PDGFA: variants seen among roughly 807,000 people sequenced by gnomAD.
The protein encoded by PDGFA is platelet derived growth factor subunit A, also known as platelet-derived growth factor subunit A.
In PDGFA, 9 loss-of-function variants were observed where a neutral mutation model predicts 25.6. The ratio of observed to expected loss-of-function variants is 0.35; its 90% CI spans 0.21 to 0.61. The LOEUF is 0.61. PDGFA is among the 20% of genes least tolerant of loss of function. The pLI is 0.75. For missense variants in PDGFA, 242 were observed against 272.8 expected (o/e 0.89, Z 0.79); for synonymous variants, 133 against 111.8 (o/e 1.19, Z -1.20).
Position 500,707 on chromosome 7 carries a change from G to C in PDGFA, c.580+409C>G. ...CATTCTGCTCCTGGGTGGAGTCCGC[G>C]TGGCGGGGTGAAGGAGAGACCCCAG... is the stretch of plus-strand genomic sequence containing the variant. On this transcript the variant is annotated intron_variant, in intron 5 of 5. Transcript: ENST00000402802. The surrounding 1 kb of genome is among the most constrained non-coding windows in gnomAD (Gnocchi z 5.0). 6.9e-7 allele frequency: 1 copy of C among 1,441,264 alleles called. No individual in the cohort carries two copies. Among genetic ancestry groups the C allele is most frequent in the South Asian group, 1.5e-5 (1 of 68,224 alleles). The allele number at this position is 1,441,264 out of a possible 1,614,324, so 89.3% of individuals were successfully genotyped here.
chr7:498,526 T>C (rs757341527), exon 6 of PDGFA: 80 of 1,598,110 alleles, frequency 5.0e-5, no homozygotes, highest in Non-Finnish European at 6.5e-5. Flanking sequence ...TAACACGCCA[T>C]GTACATCCAT....
intron 4 of PDGFA, among the ~76,000 whole-genome samples, chr7:507,831 C>T (rs1181813304): frequency 6.6e-6 from 1 of 152,142 alleles, no homozygotes; most frequent in East Asian, 1.9e-4. Flanking sequence ...GCCAGGGGGA[C>T]CCAGCCACAC....
intron 3 of PDGFA, among the ~76,000 whole-genome samples, chr7:511,795 G>A (rs1031376409): frequency 9.2e-5 from 14 of 152,140 alleles, no homozygotes; most frequent in Non-Finnish European, 2.1e-4. Context: ...GGAGGGCCAT[G>A]GGGCTGTCCT....
intron 5 of PDGFA, 90 bp downstream of exon 5, chr7:501,026 G>C: frequency 6.2e-7 from 1 of 1,610,654 alleles, no homozygotes. Flanking sequence ...AGCAGTAAGC[G>C]TTGCGCTCAA....
At chr7:503,969 C>T (rs898185303) in intron 4 of PDGFA, among the ~76,000 whole-genome samples, 1 of 152,152 alleles carries the variant, frequency 6.6e-6, no homozygotes, top group African/African-American at 2.4e-5. Context: ...CACACTCCCG[C>T]GGCAATCTGC....
chr7:510,692 C>G, intron 4 of PDGFA, 117 bp downstream of exon 4: 2 of 473,416 alleles, frequency 4.2e-6, no homozygotes, highest in East Asian at 7.8e-5. Flanking sequence ...GTAGGGGCGG[C>G]CCCGGGCTTG....
chr7:518,146 C>A (rs1367950474), intron 1 of PDGFA, among the ~76,000 whole-genome samples: 1 of 152,182 alleles, frequency 6.6e-6, no homozygotes, highest in African/African-American at 2.4e-5. Flanking sequence ...CCAGGGAAAG[C>A]GAGGGTTAAA....
rs1172069467 is a variant in PDGFA, at chr7:517,108, G to C, written c.160+286C>G. Among the ~76,000 whole-genome samples, 1 of 151,512 alleles carries C rather than the reference G, an allele frequency of 6.6e-6. No homozygotes were observed. The highest frequency in any genetic ancestry group is 2.4e-5 in the African/African-American group (1 of 41,370). On this transcript the variant is annotated intron_variant, in intron 2 of 5. Transcript: ENST00000402802. This position sits in a 1 kb window ranked among gnomAD's most constrained non-coding sequence, Gnocchi z 7.4. ...CGGCCCGAGGGCAGGCGCGGGGCCC[G>C]CACACCTGGCGGAGGCCGCGGCTGA...
intron 3 of PDGFA, 54 bp from the exon 4 acceptor site, chr7:511,050 AC>A: frequency 1.4e-6 from 2 of 1,453,886 alleles, no homozygotes; most frequent in Non-Finnish European, 9.5e-7. Context: ...CCACGGCCCC[AC>A]CCCAGGGCTG....
At chr7:497,723 T>A (rs1782106667) in exon 6 of PDGFA, 1 of 151,572 alleles carries the variant, frequency 6.6e-6, no homozygotes, top group South Asian at 2.1e-4. Context: ...CCAGAAACAT[T>A]TAGGAAATGA....
chr7:513,935 C>T (rs1221109133), intron 2 of PDGFA, among the ~76,000 whole-genome samples: 2 of 152,196 alleles, frequency 1.3e-5, no homozygotes, highest in African/African-American at 4.8e-5. Flanking sequence ...CAGAACTACT[C>T]ATGCAGTAAG....
At chr7:508,750 A>T (rs1583148362) in intron 4 of PDGFA, among the ~76,000 whole-genome samples, 1 of 152,064 alleles carries the variant, frequency 6.6e-6, no homozygotes, top group South Asian at 2.1e-4. Flanking sequence ...TCCAGGGAGA[A>T]GAGCCCTAAG....
intron 4 of PDGFA, among the ~76,000 whole-genome samples, chr7:503,928 C>T (rs974911864): frequency 2.0e-5 from 3 of 152,156 alleles, no homozygotes; most frequent in South Asian, 2.1e-4. Flanking sequence ...CATGGGGCTC[C>T]GTTCCACTCG....
upstream of PDGFA, chr7:519,536 C>A (rs1246092177): frequency 1.3e-5 from 2 of 148,830 alleles, no homozygotes. Flanking sequence ...GCCCCGCGCT[C>A]GCCTCCGGCC....
In PDGFA at chr7:501,104, G is replaced by A. The variant is rs1800814; in HGVS notation, c.580+12C>T. The A allele has an allele frequency of 0.48, 780,311 of 1,613,904 alleles. 190,405 individuals carry two copies. Among genetic ancestry groups the A allele is most frequent in the Admixed American group, 0.55 (33,188 of 60,026 alleles). On this transcript the variant is annotated intron_variant, in intron 5 of 5. Transcript: ENST00000402802. ...TTCTCCAACACCGATGCCGACGAAG[G>A]CAGCCACTCACCCGTGTCCTCTTCC...
At position 500,934 on chromosome 7, in the gene PDGFA, C is replaced by G; in HGVS notation, c.580+182G>C. 5 of 1,591,598 alleles carry G rather than the reference C, an allele frequency of 3.1e-6. No homozygotes were observed. Among genetic ancestry groups the G allele is most frequent in the Non-Finnish European group, 4.3e-6 (5 of 1,176,208 alleles). ...GGCCACCCTCCCCACCGGACACCTG[C>G]AGGTGTGGGATCCGTCTCCCCCGCA... On this transcript the variant is annotated intron_variant, in intron 5 of 5. Transcript: ENST00000402802. This position sits in a 1 kb window ranked among gnomAD's most constrained non-coding sequence, Gnocchi z 5.0.
Position 514,683 on chromosome 7 carries a change from T to C in PDGFA, c.161-2228A>G, listed in dbSNP as rs1047957289. ...CTGGTCTGGCATTACTGGCCCGAGA[T>C]GGGGCTATTTACGTTATCAGCCGCT... On this transcript the variant is annotated intron_variant, in intron 2 of 5. Transcript: ENST00000402802. 6.0e-4 allele frequency among the ~76,000 whole-genome samples: 91 copies of C among 152,218 alleles called. 2 individuals carry two copies. Among genetic ancestry groups the C allele is most frequent in the African/African-American group, 2.2e-3 (91 of 41,452 alleles).
Position 500,513 on chromosome 7 carries a change from G to A in PDGFA, c.580+603C>T, listed in dbSNP as rs746332130. 2.5e-6 allele frequency: 4 copies of A among 1,613,928 alleles called. No individual in the cohort carries two copies. Among genetic ancestry groups the A allele is most frequent in the Non-Finnish European group, 2.5e-6 (3 of 1,180,014 alleles). On this transcript the variant is annotated intron_variant, in intron 5 of 5. Coordinates refer to ENST00000402802, the Ensembl canonical transcript of PDGFA. The surrounding 1 kb of genome is among the most constrained non-coding windows in gnomAD (Gnocchi z 5.0). Reference sequence around the variant, plus strand: ...CCCTAGGCCTTCCTGTTAACAAAAGGGCAGGGCGGTGAGTGGGCCGAGGGA... The same window carrying A: ...CCCTAGGCCTTCCTGTTAACAAAAGAGCAGGGCGGTGAGTGGGCCGAGGGA...
chr7:519,931 C>T (rs1783300949), upstream of PDGFA: 1 of 144,324 alleles, frequency 6.9e-6, no homozygotes. Flanking sequence ...CCCCCCGCCT[C>T]CCCCGGATTC....
Sources: gnomAD v4.1 joint callset for allele counts (sites outside exome capture counted in the v4.1 genomes callset) on GRCh38, gnomAD v4.1.1 for gene constraint, Gnocchi (gnomAD v3.1) non-coding constraint, MANE v1.5 for transcripts, NCBI Gene and HGNC (gene_info 2026-07-23, HGNC 2026-07-21) for gene names.